ACTR3C: variants seen among roughly 807,000 people sequenced by gnomAD.
ACTR3C encodes the protein actin related protein 3C.
A neutral mutation model predicts 26.3 loss-of-function variants in ACTR3C; 18 were observed. That is an observed-to-expected ratio of 0.68 (90% CI 0.47 to 1.01). The LOEUF is 1.01. ACTR3C is among the 50% of genes least tolerant of loss of function. The pLI is 0.00. For synonymous variants in ACTR3C, 55 were observed against 94.5 expected, an observed-to-expected ratio of 0.58 and a Z score of 2.42; for missense variants, 184 against 250.7, an observed-to-expected ratio of 0.73 and a Z score of 1.80.
At chr7:150,264,172 C>A (rs867276502) in intron 6 of ACTR3C, among the ~76,000 whole-genome samples, 1 of 152,206 alleles carries the variant, frequency 6.6e-6, no homozygotes, top group Non-Finnish European at 1.5e-5. Context: ...CAGCAACAGG[C>A]GGGGGCCAAA....
At chr7:150,185,276 C>CGTGTGTGTGTGTGTGT in the ACTR3C span, among the ~76,000 whole-genome samples, 4 of 140,876 alleles carry the variant, frequency 2.8e-5, no homozygotes, top group South Asian at 2.3e-4. Flanking sequence ...AAATGTCAGG[C>CGTGTGTGTGTGTGTGT]GTGTGTGTGT....
At chr7:150,125,062 A>G in the ACTR3C span, among the ~76,000 whole-genome samples, 1 of 152,054 alleles carries the variant, frequency 6.6e-6, no homozygotes, top group Non-Finnish European at 1.5e-5. Flanking sequence ...CTTTTGTCAT[A>G]TTTTCCTTTT....
At chr7:150,156,637 A>C in the ACTR3C span, among the ~76,000 whole-genome samples, 1 of 152,162 alleles carries the variant, frequency 6.6e-6, no homozygotes, top group Non-Finnish European at 1.5e-5. Context: ...AACAAGTAGA[A>C]GAAAAGAAAA....
the ACTR3C span, among the ~76,000 whole-genome samples, chr7:149,953,003 A>G: frequency 1.3e-5 from 2 of 152,108 alleles, no homozygotes; most frequent in African/African-American, 2.4e-5. Context: ...GTACAAAGAT[A>G]TATGTACGAA....
chr7:150,006,791 G>A, the ACTR3C span, among the ~76,000 whole-genome samples: 2 of 152,092 alleles, frequency 1.3e-5, no homozygotes, highest in Non-Finnish European at 2.9e-5. Flanking sequence ...GATACACAAG[G>A]GGTCTGTATT....
At chr7:149,970,258 C>G in the ACTR3C span, among the ~76,000 whole-genome samples, 3 of 151,610 alleles carry the variant, frequency 2.0e-5, no homozygotes, top group South Asian at 6.3e-4. Context: ...GAGACTGAAG[C>G]ATGCAGCAAA....
At chr7:150,182,547 A>G in the ACTR3C span, among the ~76,000 whole-genome samples, 1 of 150,868 alleles carries the variant, frequency 6.6e-6, no homozygotes, top group African/African-American at 2.5e-5. Context: ...TGGGAGGTCT[A>G]TTAATAATGG....
the ACTR3C span, among the ~76,000 whole-genome samples, chr7:150,219,205 T>G: frequency 6.9e-6 from 1 of 144,824 alleles, no homozygotes; most frequent in Non-Finnish European, 1.5e-5. Flanking sequence ...GGCTAATACA[T>G]GCCCCAAACC....
At chr7:150,231,978 C>T in the ACTR3C span, among the ~76,000 whole-genome samples, 465 of 152,326 alleles carry the variant, frequency 3.1e-3, 3 homozygotes, top group African/African-American at 0.011. Flanking sequence ...AAGTCTCCAA[C>T]TGCAATAGTG....
At chr7:150,210,788 G>A in the ACTR3C span, among the ~76,000 whole-genome samples, 2 of 148,774 alleles carry the variant, frequency 1.3e-5, no homozygotes, top group African/African-American at 5.1e-5. Context: ...TTCTGGGAAT[G>A]GCACATATGC....
intron 1 of ACTR3C, among the ~76,000 whole-genome samples, chr7:150,314,228 T>C (rs1796597907): frequency 6.6e-6 from 1 of 152,354 alleles, no homozygotes; most frequent in East Asian, 1.9e-4. Flanking sequence ...AGTGACTTTA[T>C]GTGACCAGTT....
the ACTR3C span, among the ~76,000 whole-genome samples, chr7:150,185,691 C>T: frequency 1.3e-5 from 2 of 151,348 alleles, no homozygotes; most frequent in Admixed American, 6.6e-5. Flanking sequence ...ATCTACCCTC[C>T]CTCTCTCCTA....
chr7:150,044,576 A>G, the ACTR3C span, among the ~76,000 whole-genome samples: 68 of 152,204 alleles, frequency 4.5e-4, no homozygotes, highest in Non-Finnish European at 8.1e-4. Context: ...TAGACCCTGC[A>G]TTATTAATTC....
chr7:149,887,721 G>T, the ACTR3C span, among the ~76,000 whole-genome samples: 1 of 152,204 alleles, frequency 6.6e-6, no homozygotes, highest in Admixed American at 6.5e-5. Flanking sequence ...TGATTTGGCT[G>T]TGCCCCCACC....
intron 1 of ACTR3C, 137 bp from the exon 2 acceptor site, chr7:150,295,484 A>G (rs565662497): frequency 9.9e-7 from 1 of 1,009,940 alleles, no homozygotes; most frequent in Non-Finnish European, 1.5e-6. Flanking sequence ...GAGGATGCCC[A>G]AAGTGTATTA....
the ACTR3C span, among the ~76,000 whole-genome samples, chr7:150,088,284 C>T: frequency 7.9e-5 from 12 of 152,184 alleles, no homozygotes; most frequent in Non-Finnish European, 1.3e-4. Context: ...TCTTCCTTTT[C>T]AGATATTGTA....
At chr7:150,220,545 C>G in the ACTR3C span, among the ~76,000 whole-genome samples, 1 of 151,294 alleles carries the variant, frequency 6.6e-6, no homozygotes, top group Non-Finnish European at 1.5e-5. Context: ...GAAGCCGGGC[C>G]GGCGCCAGCG....
At chr7:150,242,324 T>C (rs1171391336), downstream of ACTR3C, among the ~76,000 whole-genome samples, 3 of 150,182 alleles carry the variant, frequency 2.0e-5, no homozygotes, top group African/African-American at 7.6e-5. Flanking sequence ...TTGTTCCATT[T>C]GCATGAACTG....
At chr7:150,145,448 T>G in the ACTR3C span, among the ~76,000 whole-genome samples, 1 of 151,202 alleles carries the variant, frequency 6.6e-6, no homozygotes, top group Non-Finnish European at 1.5e-5. Context: ...GTCTTTAATC[T>G]GCCTCATTTC....
Sources: allele counts gnomAD v4.1 joint callset (sites outside exome capture counted in the v4.1 genomes callset), GRCh38; gene constraint gnomAD v4.1.1; transcripts MANE v1.5; gene names NCBI Gene and HGNC (gene_info 2026-07-23, HGNC 2026-07-21).